Variants in SLC24A3 observed in about 807,000 individuals in gnomAD.
SLC24A3 encodes the protein sodium/potassium/calcium exchanger 3.
SLC24A3 carries 28 observed loss-of-function variants against 75.8 expected under a neutral mutation model. The ratio of observed to expected loss-of-function variants is 0.37; its 90% confidence interval spans 0.27 to 0.51. The LOEUF (loss-of-function observed/expected upper bound fraction) is 0.51. Ranked by LOEUF, SLC24A3 falls within the 20% of genes least tolerant of loss-of-function variation. The probability of loss-of-function intolerance (pLI) is 0.94; values close to 1 mark genes in which losing one functional copy is unlikely to be tolerated. For synonymous variants in SLC24A3, 372 were observed against 334.1 expected (o/e 1.11, Z -1.24); for missense variants, 663 against 847.8 (o/e 0.78, Z 2.71).
At chr20:19,323,885 G>GATGTTA (rs1984775477) in intron 2 of SLC24A3, among the ~76,000 whole-genome samples, 1 of 152,108 alleles carries the variant, frequency 6.6e-6, no homozygotes, top group Admixed American at 6.5e-5. Context: ...CCATTTAATT[G>GATGTTA]ATGTTATTAT....
intron 2 of SLC24A3, among the ~76,000 whole-genome samples, chr20:19,435,387 G>C (rs1987180578): frequency 6.6e-6 from 1 of 152,162 alleles, no homozygotes; most frequent in Non-Finnish European, 1.5e-5. Flanking sequence ...ACATAGAAAA[G>C]GATTTTAGTA....
At chr20:19,660,132 T>A (rs571698963) in intron 7 of SLC24A3, among the ~76,000 whole-genome samples, 1 of 152,284 alleles carries the variant, frequency 6.6e-6, no homozygotes, top group East Asian at 1.9e-4. Context: ...AACTTGGGGT[T>A]CTTATTTTTT....
At chr20:19,239,762 C>T (rs1011411190) in intron 1 of SLC24A3, among the ~76,000 whole-genome samples, 1 of 152,208 alleles carries the variant, frequency 6.6e-6, no homozygotes, top group Non-Finnish European at 1.5e-5. Context: ...CAAAGGTCCC[C>T]CTCGATGGCT....
intron 2 of SLC24A3, among the ~76,000 whole-genome samples, chr20:19,343,784 TG>T (rs1420876292): frequency 6.6e-6 from 1 of 152,164 alleles, no homozygotes; most frequent in Non-Finnish European, 1.5e-5. Context: ...ATGCATTCAA[TG>T]AAGCCAGATT....
chr20:19,377,762 T>C (rs1986110977), intron 2 of SLC24A3, among the ~76,000 whole-genome samples: 1 of 152,256 alleles, frequency 6.6e-6, no homozygotes, highest in African/African-American at 2.4e-5. Flanking sequence ...ATTAATCTGT[T>C]TGTGGTCCTT....
chr20:19,291,374 A>G (rs1052694445), intron 2 of SLC24A3, among the ~76,000 whole-genome samples: 14 of 152,170 alleles, frequency 9.2e-5, no homozygotes, highest in African/African-American at 3.4e-4. Flanking sequence ...TCTGAGCTAC[A>G]CCAGTGAGTG....
At chr20:19,297,750 C>A (rs1247306009) in intron 2 of SLC24A3, among the ~76,000 whole-genome samples, 1 of 152,156 alleles carries the variant, frequency 6.6e-6, no homozygotes, top group Non-Finnish European at 1.5e-5. Context: ...TTCTTAGATA[C>A]TTACTTAGGT....
intron 2 of SLC24A3, among the ~76,000 whole-genome samples, chr20:19,388,058 G>T (rs1296170075): frequency 6.6e-6 from 1 of 152,080 alleles, no homozygotes; most frequent in African/African-American, 2.4e-5. Context: ...GGAGAATGGG[G>T]TATCCATCCC....
chr20:19,609,590 C>G (rs1034519827), intron 6 of SLC24A3, among the ~76,000 whole-genome samples: 1 of 151,996 alleles, frequency 6.6e-6, no homozygotes. Flanking sequence ...CAACAGGCCC[C>G]GGTGTGTGTT....
intron 2 of SLC24A3, among the ~76,000 whole-genome samples, chr20:19,367,173 G>T (rs1335946974): frequency 6.6e-6 from 1 of 152,238 alleles, no homozygotes. Context: ...CATGTAGCTA[G>T]TAGCTCCCAA....
chr20:19,510,399 G>A (rs190237738), intron 2 of SLC24A3, among the ~76,000 whole-genome samples: 162 of 152,338 alleles, frequency 1.1e-3, no homozygotes, highest in African/African-American at 3.8e-3. Context: ...GCTGTGTGCT[G>A]AAGCTAATTA....
intron 2 of SLC24A3, among the ~76,000 whole-genome samples, chr20:19,288,589 T>C (rs1206432402): frequency 2.0e-5 from 3 of 152,190 alleles, no homozygotes; most frequent in African/African-American, 7.2e-5. Flanking sequence ...CATTAGCTCA[T>C]TGGAACATGT....
chr20:19,591,478 T>G (rs564071501), intron 6 of SLC24A3, among the ~76,000 whole-genome samples: 1 of 142,596 alleles, frequency 7.0e-6, no homozygotes, highest in African/African-American at 2.5e-5. Flanking sequence ...CTCCTCTGTT[T>G]CCTTCCTCAT....
At chr20:19,323,410 C>A (rs1024600714) in intron 2 of SLC24A3, among the ~76,000 whole-genome samples, 7 of 152,094 alleles carry the variant, frequency 4.6e-5, no homozygotes, top group Admixed American at 1.3e-4. Context: ...CAGATTTATC[C>A]TAGGACACAC....
intron 2 of SLC24A3, among the ~76,000 whole-genome samples, chr20:19,298,629 G>GAA (rs200266785): frequency 6.7e-6 from 1 of 150,040 alleles, no homozygotes; most frequent in Non-Finnish European, 1.5e-5. Context: ...GAAAGAAAAA[G>GAA]AAAAAAAAAT....
chr20:19,289,742 C>T (rs951771271), intron 2 of SLC24A3, among the ~76,000 whole-genome samples: 4 of 152,198 alleles, frequency 2.6e-5, no homozygotes, highest in Non-Finnish European at 5.9e-5. Context: ...CCACCTGGCT[C>T]CCCACTCCTC....
intron 16 of SLC24A3, among the ~76,000 whole-genome samples, chr20:19,719,954 G>C (rs563384042): frequency 2.4e-4 from 36 of 152,328 alleles, no homozygotes; most frequent in African/African-American, 8.4e-4. Context: ...TATCAATGAG[G>C]TGTGGGCTAT....
intron 3 of SLC24A3, among the ~76,000 whole-genome samples, chr20:19,529,236 C>T (rs551343034): frequency 6.6e-6 from 1 of 152,162 alleles, no homozygotes; most frequent in South Asian, 2.1e-4. Context: ...TCCGTGGCAA[C>T]CCATACAACA....
chr20:19,418,438 C>T (rs908724710), intron 2 of SLC24A3, among the ~76,000 whole-genome samples: 1 of 151,754 alleles, frequency 6.6e-6, no homozygotes, highest in Admixed American at 6.6e-5. Flanking sequence ...AATAAAACTA[C>T]AATGGATGGA....
Sources: allele counts gnomAD v4.1 joint callset (sites outside exome capture counted in the v4.1 genomes callset), GRCh38; gene constraint gnomAD v4.1.1; transcripts MANE v1.5; gene names NCBI Gene and HGNC (gene_info 2026-07-23, HGNC 2026-07-21).